Variants in AIG1 observed in about 807,000 individuals in gnomAD.
AIG1 encodes the protein androgen induced 1, also known as androgen-induced gene 1 protein.
A neutral mutation model predicts 31.4 loss-of-function variants in AIG1; 23 were observed. The ratio of observed to expected loss-of-function variants is 0.73; its 90% CI spans 0.53 to 1.04. The LOEUF (loss-of-function observed/expected upper bound fraction) is 1.04. Among genes scored for constraint, AIG1 ranks in the 50% least tolerant of loss-of-function variants. The pLI, the probability that AIG1 is intolerant of heterozygous loss-of-function variation, is 0.00. For missense variants in AIG1, 274 were observed against 295.0 expected (o/e 0.93, Z 0.52); for synonymous variants, 100 against 110.5 (o/e 0.90, Z 0.60).
At chr6:143,075,923 A>G (rs968068986) in intron 1 of AIG1, among the ~76,000 whole-genome samples, 1 of 152,214 alleles carries the variant, frequency 6.6e-6, no homozygotes, top group African/African-American at 2.4e-5. Context: ...TTACATTACA[A>G]TCAGAGATCA....
At chr6:143,076,324 T>A (rs560429329) in intron 1 of AIG1, among the ~76,000 whole-genome samples, 1 of 152,322 alleles carries the variant, frequency 6.6e-6, no homozygotes, top group Non-Finnish European at 1.5e-5. Flanking sequence ...ATGTTCTTAT[T>A]CCTAGGTAAA....
chr6:143,101,675 G>A (rs1177060315), intron 1 of AIG1, among the ~76,000 whole-genome samples: 2 of 152,084 alleles, frequency 1.3e-5, no homozygotes, highest in Non-Finnish European at 2.9e-5. Flanking sequence ...GGAAGTGGGT[G>A]AGGGATAAAA....
chr6:143,302,589 G>A (rs2128699046), intron 4 of AIG1, among the ~76,000 whole-genome samples: 1 of 152,276 alleles, frequency 6.6e-6, no homozygotes, highest in African/African-American at 2.4e-5. Flanking sequence ...ATTCCATGGT[G>A]TATATGTACC....
chr6:143,169,536 G>C lies in AIG1; in HGVS notation c.399+4353G>C, dbSNP rs539528358. Reference sequence around the variant, plus strand: ...TCATTCTGTATTGCTATAGAACACTGGAATTTATTCCTCCTATCTAGCTAT... The same window carrying C: ...TCATTCTGTATTGCTATAGAACACTCGAATTTATTCCTCCTATCTAGCTAT... On this transcript the variant is annotated intron_variant, in intron 3 of 5. Transcript: ENST00000357847. Among the ~76,000 whole-genome samples, 294 of 152,090 alleles carry C rather than the reference G, an allele frequency of 1.9e-3. 2 individuals are homozygous for C. Among genetic ancestry groups the C allele is most frequent in the Middle Eastern group, 6.8e-3 (2 of 294 alleles).
chr6:143,145,850 A>T (rs1310529289), intron 2 of AIG1, among the ~76,000 whole-genome samples: 1 of 152,212 alleles, frequency 6.6e-6, no homozygotes, highest in Non-Finnish European at 1.5e-5. Context: ...AGTAAAGTTG[A>T]TAAGACTAAT....
chr6:143,060,900 C>T lies in AIG1; in HGVS notation c.-26C>T. 6.8e-7 allele frequency: 1 copy of T among 1,461,002 alleles called. No homozygotes were observed. Among genetic ancestry groups the T allele is most frequent in the Non-Finnish European group, 9.1e-7 (1 of 1,098,284 alleles). 90.5% of individuals were successfully genotyped at this position (1,461,002 alleles called of 1,614,324 possible). A position where few individuals can be genotyped will look rare whatever the true frequency, so the allele number is the denominator to read the frequency against. ...CCCTCACGCCCGCCCTCCTTGCCGC[C>T]CAGCCGGTCCAGGCCTCTGGCGAAC... On this transcript the variant is annotated 5_prime_UTR_variant, in exon 1 of 6. Coordinates refer to ENST00000357847, the MANE Select transcript of AIG1 (RefSeq NM_016108.4).
intron 3 of AIG1, among the ~76,000 whole-genome samples, chr6:143,192,562 ACTAC>A (rs1789885143): frequency 6.6e-6 from 1 of 151,652 alleles, no homozygotes; most frequent in Non-Finnish European, 1.5e-5. Context: ...CCAAGATCGT[ACTAC>A]TTGCACTCCA....
In AIG1 at chr6:143,141,908, GA is replaced by G. The variant is rs1330128931; in HGVS notation, c.297+4920del. Among the ~76,000 whole-genome samples, 6 of 151,934 alleles carry G rather than the reference GA, an allele frequency of 3.9e-5. No individual in the cohort carries two copies. In the East Asian group the frequency reaches 1.2e-3, roughly 29 times the overall value. ...CAAAAAGGGGAGGGGAGGCATGAGA[GA>G]AGAGCAGAAACAGCAAATAAATAAA... On this transcript the variant is annotated intron_variant, in intron 2 of 5. Coordinates refer to ENST00000357847, the MANE Select transcript of AIG1 (RefSeq NM_016108.4).
At chr6:143,166,622 G>A (rs929016248) in intron 3 of AIG1, among the ~76,000 whole-genome samples, 21 of 152,116 alleles carry the variant, frequency 1.4e-4, no homozygotes, top group African/African-American at 4.3e-4. Flanking sequence ...CAAGCACTTC[G>A]CCCAGTTGTC....
chr6:143,118,556 C>T (rs1032993289), intron 1 of AIG1, among the ~76,000 whole-genome samples: 5 of 151,870 alleles, frequency 3.3e-5, no homozygotes, highest in African/African-American at 9.7e-5. Context: ...GGACTTAAGA[C>T]GGGCCAGTTT....
rs1480043277 is a variant in AIG1 at position 143,326,437 on chromosome 6, T to C, written c.516-6845T>C. Among the ~76,000 whole-genome samples, 2 of 152,196 alleles carry C rather than the reference T, an allele frequency of 1.3e-5. No homozygotes were observed. Among genetic ancestry groups the C allele is most frequent in the Non-Finnish European group, 2.9e-5 (2 of 68,036 alleles). Reference sequence around the variant, plus strand: ...CTATCACAGTTTAAATGCTACTTTATTCATTCATTCATTCTTCTAGTGTGT... The same window carrying C: ...CTATCACAGTTTAAATGCTACTTTACTCATTCATTCATTCTTCTAGTGTGT... On this transcript the variant is annotated intron_variant, in intron 4 of 5. Transcript: ENST00000357847. This position sits in a 1 kb window ranked among gnomAD's most constrained non-coding sequence, Gnocchi z 4.5.
At chr6:143,188,182 T>G in intron 3 of AIG1, 1 of 997,734 alleles carries the variant, frequency 1.0e-6, no homozygotes, top group South Asian at 4.4e-5. Flanking sequence ...GGTATCTCTC[T>G]TTACTCGTAA....
At chr6:143,217,563 G>C (rs535597820) in intron 3 of AIG1, among the ~76,000 whole-genome samples, 2 of 151,996 alleles carry the variant, frequency 1.3e-5, no homozygotes, top group African/African-American at 4.8e-5. Flanking sequence ...GGCTGGAGTG[G>C]AGTGGTGTGA....
intron 3 of AIG1, among the ~76,000 whole-genome samples, chr6:143,172,414 T>C (rs1787725224): frequency 6.6e-6 from 1 of 152,210 alleles, no homozygotes. Flanking sequence ...CTGGTATAAA[T>C]CCCACTTGAT....
chr6:143,227,704 A>T (rs951405469), intron 3 of AIG1, among the ~76,000 whole-genome samples: 1 of 152,122 alleles, frequency 6.6e-6, no homozygotes, highest in Non-Finnish European at 1.5e-5. Context: ...TTGATGCAAA[A>T]ACGAAGATTT....
chr6:143,142,627 C>G (rs1468056206), intron 2 of AIG1, among the ~76,000 whole-genome samples: 1 of 152,130 alleles, frequency 6.6e-6, no homozygotes, highest in African/African-American at 2.4e-5. Context: ...TTATTAGGAG[C>G]AAACTGGCAT....
In AIG1 at chr6:143,187,868, G is replaced by C. The variant is rs566771466; in HGVS notation, c.399+22685G>C. ...TCAAGCGATGTACAGAAGGGTATCC[G>C]CAGCATTGTCAAAAATTACCCCTTA... On this transcript the variant is annotated intron_variant, in intron 3 of 5. Transcript: ENST00000357847. 4.3e-6 allele frequency: 6 copies of C among 1,404,222 alleles called. No homozygotes were observed. In the African/African-American group the frequency reaches 7.2e-5, roughly 17 times the overall value. The allele number at this position is 1,404,222 out of a possible 1,614,324, so 87.0% of individuals were successfully genotyped here.
intron 1 of AIG1, among the ~76,000 whole-genome samples, chr6:143,093,820 A>AT (rs1413733421): frequency 6.6e-6 from 1 of 152,200 alleles, no homozygotes; most frequent in Non-Finnish European, 1.5e-5. Flanking sequence ...AAATGGGGGA[A>AT]TAGCCGGTTG....
intron 4 of AIG1, among the ~76,000 whole-genome samples, chr6:143,307,495 C>T (rs1389608710): frequency 4.6e-5 from 7 of 152,174 alleles, no homozygotes; most frequent in African/African-American, 1.2e-4. Context: ...GTAACAGCAG[C>T]GGTGGCTGCA....
Sources: gnomAD v4.1 joint callset for allele counts (sites outside exome capture counted in the v4.1 genomes callset) on GRCh38, gnomAD v4.1.1 for gene constraint, Gnocchi (gnomAD v3.1) non-coding constraint, MANE v1.5 for transcripts, NCBI Gene and HGNC (gene_info 2026-07-23, HGNC 2026-07-21) for gene names.